Variants in SEMA6D observed in about 807,000 individuals in gnomAD.
SEMA6D encodes the protein semaphorin 6D.
In SEMA6D, 35 loss-of-function variants were observed where a neutral mutation model predicts 106.6. The ratio of observed to expected loss-of-function variants is 0.33; its 90% CI spans 0.25 to 0.44. SEMA6D has a LOEUF of 0.44. SEMA6D is among the 20% of genes least tolerant of loss of function. The pLI is 1.00. For missense variants in SEMA6D, 1,185 were observed against 1,345.9 expected (o/e 0.88, Z 1.87); for synonymous variants, 499 against 487.7 (o/e 1.02, Z -0.31).
At chr15:47,364,938 G>A (rs7166781) in intron 1 of SEMA6D, among the ~76,000 whole-genome samples, 23,812 of 152,128 alleles carry the variant, frequency 0.16, 2,779 homozygotes, top group African/African-American at 0.32. Flanking sequence ...AAGATCAAAA[G>A]AAAAGCATGG....
chr15:47,453,369 T>C (rs2140952096), intron 2 of SEMA6D, among the ~76,000 whole-genome samples: 1 of 151,618 alleles, frequency 6.6e-6, no homozygotes, highest in African/African-American at 2.4e-5. Context: ...ATGAAAAAAG[T>C]AAATCAACAA....
intron 1 of SEMA6D, among the ~76,000 whole-genome samples, chr15:47,184,579 G>C (rs1372756023): frequency 1.3e-5 from 2 of 152,202 alleles, no homozygotes; most frequent in Non-Finnish European, 2.9e-5. Flanking sequence ...CCGGCGCAGA[G>C]ACCCGACCGC....
intron 1 of SEMA6D, among the ~76,000 whole-genome samples, chr15:47,404,105 T>C (rs2146052447): frequency 6.6e-6 from 1 of 152,298 alleles, no homozygotes; most frequent in South Asian, 2.1e-4. Context: ...AGAGTGATGG[T>C]ACGCTACAGA....
chr15:47,254,907 G>GTGTGTGTT (rs1406181070), intron 1 of SEMA6D, among the ~76,000 whole-genome samples: 1 of 151,542 alleles, frequency 6.6e-6, no homozygotes, highest in Admixed American at 6.6e-5. Context: ...GTGTGTGTGT[G>GTGTGTGTT]TGTGTGTGTC....
intron 3 of SEMA6D, among the ~76,000 whole-genome samples, chr15:47,516,099 G>A (rs1461693978): frequency 6.6e-6 from 1 of 152,086 alleles, no homozygotes; most frequent in Non-Finnish European, 1.5e-5. Flanking sequence ...TCCCCATTGA[G>A]CCATGTGGAA....
intron 3 of SEMA6D, among the ~76,000 whole-genome samples, chr15:47,513,488 C>T (rs1273916568): frequency 6.6e-6 from 1 of 152,124 alleles, no homozygotes; most frequent in Non-Finnish European, 1.5e-5. Context: ...TTGGGAACTG[C>T]AGCTGGCCTT....
At position 47,246,572 on chromosome 15, in the gene SEMA6D, C is replaced by A. The variant is rs114612162; in HGVS notation, c.-239+62154C>A. Among the ~76,000 whole-genome samples, 796 of 152,320 alleles carry A rather than the reference C, an allele frequency of 5.2e-3. 12 individuals carry two copies. The highest frequency in any genetic ancestry group is 0.018 in the African/African-American group (761 of 41,578). On this transcript the variant is annotated intron_variant, in intron 1 of 19. Coordinates refer to the SEMA6D transcript ENST00000558014. The stretch of plus-strand genomic sequence containing the variant: ...CGGAAACTACTTACATTCCTTGACA[C>A]ATGGCCCTTTCCTCCATCTTCGTAG...
chr15:47,758,789 C>A (rs1044743502), intron 1 of SEMA6D, among the ~76,000 whole-genome samples: 3 of 152,158 alleles, frequency 2.0e-5, no homozygotes, highest in East Asian at 1.9e-4. Context: ...GTTCTCCTTT[C>A]CATTTGGTGA....
intron 1 of SEMA6D, among the ~76,000 whole-genome samples, chr15:47,282,335 G>A (rs945140957): frequency 6.8e-6 from 1 of 146,674 alleles, no homozygotes; most frequent in Non-Finnish European, 1.5e-5. Flanking sequence ...TCTTTGTGTC[G>A]GCTTCTTTTG....
chr15:47,602,919 G>A (rs1188624007), intron 4 of SEMA6D, among the ~76,000 whole-genome samples: 3 of 152,074 alleles, frequency 2.0e-5, no homozygotes, highest in Non-Finnish European at 1.5e-5. Flanking sequence ...AATGACAAGT[G>A]GATAGGATCC....
At chr15:47,266,167 C>T (rs1595581793) in intron 1 of SEMA6D, among the ~76,000 whole-genome samples, 1 of 152,218 alleles carries the variant, frequency 6.6e-6, no homozygotes, top group East Asian at 1.9e-4. Flanking sequence ...CACAGTTTTG[C>T]CTATCTCTCC....
chr15:47,499,319 TA>T (rs777543267), intron 3 of SEMA6D, among the ~76,000 whole-genome samples: 1 of 152,122 alleles, frequency 6.6e-6, no homozygotes, highest in Non-Finnish European at 1.5e-5. Flanking sequence ...CAGGCTCATT[TA>T]ACCAACCTCC....
At chr15:47,343,349 G>T (rs1345619522) in intron 1 of SEMA6D, among the ~76,000 whole-genome samples, 1 of 151,582 alleles carries the variant, frequency 6.6e-6, no homozygotes, top group Non-Finnish European at 1.5e-5. Context: ...TTGGTGTGCT[G>T]CACCCATTAA....
At chr15:47,254,353 A>ATATATATATATATATATATAT (rs1555411061) in intron 1 of SEMA6D, among the ~76,000 whole-genome samples, 1 of 147,670 alleles carries the variant, frequency 6.8e-6, no homozygotes, top group African/African-American at 2.5e-5. Context: ...ATATATATAT[A>ATATATATATATATATATATAT]AATGATTGTG....
chr15:47,249,336 C>A (rs1234275695), intron 1 of SEMA6D, among the ~76,000 whole-genome samples: 3 of 152,190 alleles, frequency 2.0e-5, no homozygotes, highest in Non-Finnish European at 4.4e-5. Context: ...ACTTATAGTT[C>A]ATTTGCACTC....
intron 4 of SEMA6D, among the ~76,000 whole-genome samples, chr15:47,700,106 A>G (rs1025087914): frequency 2.7e-5 from 4 of 149,544 alleles, no homozygotes; most frequent in Non-Finnish European, 5.9e-5. Flanking sequence ...GGAAAACTAC[A>G]CAACTTTATT....
intron 3 of SEMA6D, among the ~76,000 whole-genome samples, chr15:47,566,911 AAC>A (rs200796114): frequency 1.7e-5 from 2 of 119,440 alleles, no homozygotes; most frequent in Admixed American, 7.7e-5. Flanking sequence ...TTAAGAATAA[AAC>A]AAGAGGGTGT....
At chr15:47,400,301 C>G (rs566986271) in intron 1 of SEMA6D, among the ~76,000 whole-genome samples, 7 of 152,102 alleles carry the variant, frequency 4.6e-5, no homozygotes, top group African/African-American at 1.7e-4. Context: ...ACCAGCTTGG[C>G]CAACAGGACA....
intron 1 of SEMA6D, among the ~76,000 whole-genome samples, chr15:47,319,681 G>A (rs1201469851): frequency 6.6e-6 from 1 of 152,038 alleles, no homozygotes; most frequent in Non-Finnish European, 1.5e-5. Flanking sequence ...TTTCTCCTGT[G>A]GGCACACCTT....
Sources: allele counts gnomAD v4.1 joint callset (sites outside exome capture counted in the v4.1 genomes callset), GRCh38; gene constraint gnomAD v4.1.1; transcripts MANE v1.5; gene names NCBI Gene and HGNC (gene_info 2026-07-23, HGNC 2026-07-21).